Variants in CEP192 observed in about 807,000 individuals in gnomAD.
The protein encoded by CEP192 is centrosomal protein 192, also known as centrosomal protein of 192 kDa.
A neutral mutation model predicts 271.8 loss-of-function variants in CEP192; 151 were observed. The observed-to-expected ratio is 0.56, with a 90% confidence interval of 0.49 to 0.64. The LOEUF is 0.64. CEP192 is among the 30% of genes least tolerant of loss of function. The pLI is 0.00. For synonymous variants in CEP192, 995 were observed against 1,076.5 expected (o/e 0.92, Z 1.48); for missense variants, 2,910 against 3,020.5 (o/e 0.96, Z 0.86).
intron 37 of CEP192, among the ~76,000 whole-genome samples, chr18:13,099,960 A>G (rs1023517005): frequency 2.0e-5 from 3 of 152,208 alleles, no homozygotes; most frequent in Non-Finnish European, 2.9e-5. Flanking sequence ...AATCTCCCCC[A>G]TGGATACCGA....
At chr18:13,023,656 A>G (rs2035122071) in intron 9 of CEP192, among the ~76,000 whole-genome samples, 1 of 151,960 alleles carries the variant, frequency 6.6e-6, no homozygotes, top group African/African-American at 2.4e-5. Flanking sequence ...GGAGCTTTGA[A>G]TCTGTGTTTA....
rs543348254 is a variant in CEP192, at chr18:13,069,131, C to A, written c.5005C>A (p.His1669Asn). 1 of 1,614,066 alleles carries A rather than the reference C, an allele frequency of 6.2e-7. No homozygotes were observed. The highest frequency in any genetic ancestry group is 8.5e-7 in the Non-Finnish European group (1 of 1,180,032). ...LAKVASSRKQ[H>N]LPLKNAGNIE... is the part of the protein sequence containing the mutation. ...CAAAGTGGCTTCCTCAAGAAAGCAG[C>A]ACTTACCTTTGAAAAATGCTGGGAA... The change falls in exon 26 of 45, where the codon CAC (histidine) becomes AAC (asparagine). Residue 1669 changes from histidine to asparagine, a missense_variant. Coordinates refer to ENST00000506447, the MANE Select transcript of CEP192 (RefSeq NM_032142.4).
intron 2 of CEP192, 75 bp from the exon 3 acceptor site, chr18:13,001,382 C>A: frequency 9.7e-7 from 1 of 1,029,326 alleles, no homozygotes; most frequent in Non-Finnish European, 1.4e-6. Flanking sequence ...TACTGTCACG[C>A]AGCCCTATGT....
intron 40 of CEP192, 99 bp downstream of exon 40, chr18:13,105,178 C>T (rs1480756791): frequency 6.1e-6 from 5 of 822,612 alleles, no homozygotes; most frequent in African/African-American, 5.0e-5. Context: ...TGGAGCAGTG[C>T]TACTCACAGA....
chr18:13,062,379 G>A (rs1193926424), intron 21 of CEP192, among the ~76,000 whole-genome samples: 3 of 152,132 alleles, frequency 2.0e-5, no homozygotes, highest in Non-Finnish European at 4.4e-5. Context: ...ACGTGATAAA[G>A]CGTCTCCCAG....
chr18:13,081,675 C>A (rs2144616136), intron 30 of CEP192, among the ~76,000 whole-genome samples: 1 of 152,250 alleles, frequency 6.6e-6, no homozygotes, highest in African/African-American at 2.4e-5. Flanking sequence ...TTGCCTTCTG[C>A]TAGCTTTTGA....
chr18:13,084,520 A>G (rs968773732), intron 30 of CEP192, among the ~76,000 whole-genome samples: 17 of 152,160 alleles, frequency 1.1e-4, no homozygotes, highest in African/African-American at 3.9e-4. Flanking sequence ...TTTTCCAGGT[A>G]CAGTCTGTCA....
At chr18:13,094,756 G>A (rs2039309210) in intron 34 of CEP192, among the ~76,000 whole-genome samples, 1 of 152,154 alleles carries the variant, frequency 6.6e-6, no homozygotes. Flanking sequence ...ACACACTTCT[G>A]TATTTACTTC....
At chr18:12,993,085 C>T (rs1169118934) in intron 1 of CEP192, among the ~76,000 whole-genome samples, 1 of 152,158 alleles carries the variant, frequency 6.6e-6, no homozygotes, top group African/African-American at 2.4e-5. Flanking sequence ...AAGTGATGGG[C>T]AACGGGCATT....
Position 13,069,742 on chromosome 18 carries a change from C to T in CEP192, c.5060C>T (p.Pro1687Leu). 6.5e-7 allele frequency: 1 copy of T among 1,547,540 alleles called. No individual in the cohort carries two copies. The highest frequency in any genetic ancestry group is 1.4e-5 in the African/African-American group (1 of 72,462). ...TGATTATGTAACTATATTTAGGTCC[C>T]AGAACAAGGAAGTCACTTTTCAGTG... ...NIEVYLDIKV[P>L]EQGSHFSVDP... The change falls in exon 27 of 45, where the codon CCA (proline) becomes CTA (leucine). Residue 1687 changes from proline (P) to leucine (L), a missense_variant. Coordinates refer to ENST00000506447, the MANE Select transcript of CEP192 (RefSeq NM_032142.4).
intron 34 of CEP192, among the ~76,000 whole-genome samples, chr18:13,093,612 C>T (rs1896746486): frequency 6.6e-6 from 1 of 152,214 alleles, no homozygotes; most frequent in African/African-American, 2.4e-5. Flanking sequence ...AGCATTAATA[C>T]TTGAGCTCTT....
chr18:13,027,725 C>T (rs945082601), intron 9 of CEP192, among the ~76,000 whole-genome samples: 1 of 152,086 alleles, frequency 6.6e-6, no homozygotes, highest in African/African-American at 2.4e-5. Flanking sequence ...TAACTGCCTT[C>T]TTTGTTCAAG....
intron 30 of CEP192, among the ~76,000 whole-genome samples, chr18:13,083,903 T>C (rs2038756968): frequency 6.6e-6 from 1 of 152,196 alleles, no homozygotes; most frequent in Non-Finnish European, 1.5e-5. Flanking sequence ...TGGAGTTTGC[T>C]GGAGGTACAC....
intron 30 of CEP192, among the ~76,000 whole-genome samples, chr18:13,083,908 G>A (rs1268265308): frequency 1.3e-5 from 2 of 152,086 alleles, no homozygotes; most frequent in Non-Finnish European, 2.9e-5. Context: ...TTTGCTGGAG[G>A]TACACTCCAG....
At chr18:13,069,255 G>T in intron 26 of CEP192, 74 bp downstream of exon 26, 1 of 1,281,450 alleles carries the variant, frequency 7.8e-7, no homozygotes, top group Non-Finnish European at 1.1e-6. Context: ...TCTGCAGGCT[G>T]TTGTGCTCTT....
intron 15 of CEP192, among the ~76,000 whole-genome samples, chr18:13,048,249 A>G (rs1424881538): frequency 1.3e-5 from 2 of 152,042 alleles, no homozygotes; most frequent in Admixed American, 6.5e-5. Flanking sequence ...CTTCCCACCA[A>G]TTTGCTCCAT....
chr18:13,019,058 T>C (rs1010212951), intron 8 of CEP192, 24 bp from the exon 9 acceptor site: 3 of 1,518,200 alleles, frequency 2.0e-6, no homozygotes, highest in South Asian at 1.3e-5. Context: ...GTGGCTCCTT[T>C]AACATTTTTC....
intron 11 of CEP192, among the ~76,000 whole-genome samples, chr18:13,033,770 G>C (rs902415234): frequency 1.3e-5 from 2 of 152,146 alleles, no homozygotes; most frequent in Non-Finnish European, 2.9e-5. Context: ...ATGATCACTG[G>C]AATAAATTAA....
intron 6 of CEP192, 88 bp from the exon 7 acceptor site, chr18:13,017,100 T>G: frequency 4.8e-6 from 5 of 1,035,736 alleles, no homozygotes; most frequent in Non-Finnish European, 5.5e-6. Context: ...CATTGACTCA[T>G]TTATGTCTTA....
Sources: gnomAD v4.1 joint callset for allele counts (sites outside exome capture counted in the v4.1 genomes callset) on GRCh38, gnomAD v4.1.1 for gene constraint, MANE v1.5 for transcripts, NCBI Gene and HGNC (gene_info 2026-07-23, HGNC 2026-07-21) for gene names.